The following DAB1 variants were observed in gnomAD, a reference collection of about 807,000 sequenced individuals.
DAB1 encodes the protein disabled homolog 1.
A neutral mutation model predicts 64.6 loss-of-function variants in DAB1; 15 were observed. That is an observed-to-expected ratio of 0.23 (90% CI 0.16 to 0.36). The LOEUF (loss-of-function observed/expected upper bound fraction) is 0.36, where lower values mean the gene tolerates loss of function less well. Ranked by LOEUF, DAB1 falls within the 10% of genes least tolerant of loss-of-function variation. The pLI is 1.00. For synonymous variants in DAB1, 235 were observed against 251.9 expected, an observed-to-expected ratio of 0.93 and a Z score of 0.64; for missense variants, 596 against 706.7, an observed-to-expected ratio of 0.84 and a Z score of 1.78.
chr1:57,586,206 C>A (rs17116089), intron 7 of DAB1, among the ~76,000 whole-genome samples: 5,685 of 152,250 alleles, frequency 0.037, 221 homozygotes, highest in Admixed American at 0.14. Context: ...ATCTTACAGT[C>A]AGAAGGTGAC....
intron 1 of DAB1, among the ~76,000 whole-genome samples, chr1:57,303,804 A>G (rs1345959366): frequency 6.6e-6 from 1 of 152,200 alleles, no homozygotes; most frequent in Admixed American, 6.5e-5. Flanking sequence ...TAATCCCAAG[A>G]GATACCCAGG....
At chr1:58,037,541 GA>G (rs1294863200) in intron 5 of DAB1, among the ~76,000 whole-genome samples, 1 of 152,160 alleles carries the variant, frequency 6.6e-6, no homozygotes. Flanking sequence ...TGCATGTGAG[GA>G]ATCTAGGTTG....
At chr1:57,249,531 C>A (rs1025888852) in intron 2 of DAB1, among the ~76,000 whole-genome samples, 1 of 152,140 alleles carries the variant, frequency 6.6e-6, no homozygotes, top group African/African-American at 2.4e-5. Flanking sequence ...GCCACCACCC[C>A]CAGCTAATTT....
intron 6 of DAB1, among the ~76,000 whole-genome samples, chr1:57,778,438 C>T (rs1649916193): frequency 6.6e-6 from 1 of 151,912 alleles, no homozygotes; most frequent in Admixed American, 6.6e-5. Flanking sequence ...GGGCAGTTTT[C>T]ACCTCGTCTG....
chr1:58,236,074 C>A (rs554015167), intron 4 of DAB1, among the ~76,000 whole-genome samples: 120 of 152,172 alleles, frequency 7.9e-4, no homozygotes, highest in African/African-American at 2.8e-3. Flanking sequence ...GGATCCTGGG[C>A]CTACCCCTTG....
At chr1:58,048,818 C>T (rs1403961218) in intron 5 of DAB1, 9 of 1,068,274 alleles carry the variant, frequency 8.4e-6, no homozygotes, top group Non-Finnish European at 1.3e-5. Flanking sequence ...GTCTTATCCA[C>T]GGAATCATGG....
At chr1:57,762,549 G>T (rs1295153491) in intron 6 of DAB1, among the ~76,000 whole-genome samples, 2 of 152,022 alleles carry the variant, frequency 1.3e-5, no homozygotes, top group East Asian at 1.9e-4. Context: ...CTAAAAGAAG[G>T]TTATTTTCAA....
chr1:58,447,790 T>C (rs1044378870), intron 3 of DAB1, among the ~76,000 whole-genome samples: 3 of 151,964 alleles, frequency 2.0e-5, no homozygotes, highest in Non-Finnish European at 4.4e-5. Context: ...AAGATAGGTA[T>C]TCTAATGCCG....
intron 7 of DAB1, among the ~76,000 whole-genome samples, chr1:57,553,008 G>A (rs1644932311): frequency 2.0e-5 from 3 of 152,090 alleles, no homozygotes; most frequent in Admixed American, 2.0e-4. Flanking sequence ...GATGGTTCCA[G>A]TCCCAGACTG....
At chr1:57,212,734 C>T (rs1348117014) in intron 2 of DAB1, among the ~76,000 whole-genome samples, 1 of 152,086 alleles carries the variant, frequency 6.6e-6, no homozygotes, top group African/African-American at 2.4e-5. Flanking sequence ...TGACAACTTC[C>T]TATGAAATAG....
intron 4 of DAB1, among the ~76,000 whole-genome samples, chr1:58,212,403 C>T (rs1300458394): frequency 4.6e-5 from 7 of 152,138 alleles, no homozygotes; most frequent in Non-Finnish European, 7.4e-5. Flanking sequence ...CAGTTAGAGT[C>T]GAGTGAGGAA....
At chr1:57,077,469 C>T (rs1191501180) in intron 4 of DAB1, among the ~76,000 whole-genome samples, 1 of 152,116 alleles carries the variant, frequency 6.6e-6, no homozygotes, top group Admixed American at 6.5e-5. Context: ...GACCAAGTCA[C>T]CTTAAGATAA....
intron 6 of DAB1, among the ~76,000 whole-genome samples, chr1:57,768,266 A>AG (rs1380864535): frequency 9.6e-4 from 145 of 151,086 alleles, no homozygotes; most frequent in African/African-American, 3.4e-3. Flanking sequence ...TGTGTTTGGC[A>AG]AGTAATCTAA....
chr1:57,846,978 G>A (rs1208053643), intron 1 of DAB1, among the ~76,000 whole-genome samples: 1 of 152,200 alleles, frequency 6.6e-6, no homozygotes, highest in Non-Finnish European at 1.5e-5. Flanking sequence ...GAAGCACATG[G>A]TACTTAACTA....
intron 7 of DAB1, among the ~76,000 whole-genome samples, chr1:57,499,079 G>A (rs1044996550): frequency 3.3e-5 from 5 of 152,112 alleles, no homozygotes; most frequent in African/African-American, 7.2e-5. Flanking sequence ...GGGTTCAAGC[G>A]ATTGCCCTGC....
intron 3 of DAB1, among the ~76,000 whole-genome samples, chr1:58,446,923 C>T (rs1645073984): frequency 6.6e-6 from 1 of 152,190 alleles, no homozygotes; most frequent in Non-Finnish European, 1.5e-5. Flanking sequence ...TGAGGGATGA[C>T]AAGCTGTTCC....
intron 5 of DAB1, among the ~76,000 whole-genome samples, chr1:57,969,547 T>C (rs183767012): frequency 2.1e-3 from 315 of 152,318 alleles, no homozygotes; most frequent in Middle Eastern, 0.01. Context: ...CACTATACTA[T>C]TCATTACAGC....
rs867983133 is a variant in DAB1, at chr1:58,450,034, G to A, written n.257+56026C>T. Among the ~76,000 whole-genome samples, 5 of 152,178 alleles carry A rather than the reference G, an allele frequency of 3.3e-5. No homozygotes were observed. The East Asian group carries it at 5.8e-4, about 18-fold the overall frequency. ...TATGTGAATGAGTGAATGGGAGTAC[G>A]TGACATAATTGGAGAATAAAAAATA... On this transcript the variant is annotated intron_variant and non_coding_transcript_variant, in intron 3 of 20. Transcript: ENST00000485760.
intron 2 of DAB1, among the ~76,000 whole-genome samples, chr1:57,153,897 C>G (rs1258581717): frequency 6.6e-6 from 1 of 152,134 alleles, no homozygotes; most frequent in Non-Finnish European, 1.5e-5. Context: ...CCTCGGCCTT[C>G]CAAAGTGTTG....
Sources: allele counts gnomAD v4.1 joint callset (sites outside exome capture counted in the v4.1 genomes callset), GRCh38; gene constraint gnomAD v4.1.1; transcripts MANE v1.5; gene names NCBI Gene and HGNC (gene_info 2026-07-23, HGNC 2026-07-21).